The following NOL4L variants were observed in gnomAD, a reference collection of about 807,000 sequenced individuals.
The protein encoded by NOL4L is nucleolar protein 4 like.
NOL4L carries 7 observed loss-of-function variants against 64.5 expected under a neutral mutation model. The ratio of observed to expected loss-of-function variants is 0.11; its 90% CI spans 0.06 to 0.20. NOL4L has a LOEUF of 0.20. Ranked by LOEUF, NOL4L falls within the 10% of genes least tolerant of loss-of-function variation. The probability of loss-of-function intolerance (pLI) is 1.00; values close to 1 mark genes in which losing one functional copy is unlikely to be tolerated. For missense variants in NOL4L, 680 were observed against 967.1 expected (o/e 0.70, Z 3.94); for synonymous variants, 413 against 401.0 (o/e 1.03, Z -0.36).
chr20:32,536,959 G>C (rs1398159736), intron 1 of NOL4L: 1 of 652,128 alleles, frequency 1.5e-6, no homozygotes, highest in Non-Finnish European at 1.9e-6. Flanking sequence ...GCGCCCGCGC[G>C]GGCCCCGCCC....
chr20:32,491,081 A>C (rs550605864), intron 4 of NOL4L, among the ~76,000 whole-genome samples: 1 of 152,222 alleles, frequency 6.6e-6, no homozygotes, highest in Non-Finnish European at 1.5e-5. Flanking sequence ...GCGCCATGAC[A>C]AGTGCAGGTG....
intron 5 of NOL4L, among the ~76,000 whole-genome samples, chr20:32,465,561 GAAAT>G (rs924315078): frequency 6.6e-6 from 1 of 152,182 alleles, no homozygotes; most frequent in African/African-American, 2.4e-5. Flanking sequence ...CAGGCGGTGA[GAAAT>G]AAACACTAAT....
intron 1 of NOL4L, among the ~76,000 whole-genome samples, chr20:32,550,309 C>T (rs757225283): frequency 1.3e-5 from 2 of 152,158 alleles, no homozygotes; most frequent in African/African-American, 2.4e-5. Context: ...TGCAATGGTG[C>T]GATCTCAGCT....
chr20:32,543,531 A>C (rs2018688145), intron 1 of NOL4L, among the ~76,000 whole-genome samples: 1 of 152,150 alleles, frequency 6.6e-6, no homozygotes, highest in South Asian at 2.1e-4. Flanking sequence ...AGGCAGGAGA[A>C]TCGCTTGAAC....
chr20:32,582,960 A>T (rs1365338655), intron 1 of NOL4L, among the ~76,000 whole-genome samples: 1 of 151,414 alleles, frequency 6.6e-6, no homozygotes, highest in South Asian at 2.1e-4. Flanking sequence ...GGGGACAATG[A>T]CCCAGACTCG....
chr20:32,567,925 CAT>C (rs1450829955), intron 1 of NOL4L, among the ~76,000 whole-genome samples: 5 of 131,202 alleles, frequency 3.8e-5, no homozygotes, highest in African/African-American at 2.0e-4. Context: ...CCACCACCAT[CAT>C]CATCATCATC....
chr20:32,451,904 G>A (rs1281210599), intron 10 of NOL4L, among the ~76,000 whole-genome samples: 4 of 152,186 alleles, frequency 2.6e-5, no homozygotes, highest in Non-Finnish European at 4.4e-5. Context: ...GCTGGGACTC[G>A]GCACCCACAG....
At chr20:32,495,928 A>C (rs1159483532) in intron 4 of NOL4L, among the ~76,000 whole-genome samples, 1 of 152,098 alleles carries the variant, frequency 6.6e-6, no homozygotes, top group Non-Finnish European at 1.5e-5. Context: ...CTGCACCCCA[A>C]TAAAAGAAGT....
At chr20:32,532,475 A>G in intron 1 of NOL4L, 1 of 551,240 alleles carries the variant, frequency 1.8e-6, no homozygotes, top group Non-Finnish European at 2.3e-6. Flanking sequence ...CATCTCTGCT[A>G]TCCCTTGCAT....
chr20:32,520,687 G>C, intron 3 of NOL4L, 124 bp downstream of exon 3: 1 of 582,600 alleles, frequency 1.7e-6, no homozygotes, highest in Non-Finnish European at 3.1e-6. Context: ...ACCCATACTG[G>C]CCTCTGGGAC....
At chr20:32,488,829 TTCTTTCTTTCTTTC>T (rs1568648850) in intron 4 of NOL4L, among the ~76,000 whole-genome samples, 8 of 39,316 alleles carry the variant, frequency 2.0e-4, no homozygotes, top group Non-Finnish European at 3.6e-4. Flanking sequence ...TTCTTTCTTT[TTCTTTCTTTCTTTC>T]TTTCTTTCTT....
At chr20:32,492,250 T>TAA in intron 4 of NOL4L, among the ~76,000 whole-genome samples, 1 of 152,308 alleles carries the variant, frequency 6.6e-6, no homozygotes, top group African/African-American at 2.4e-5. Flanking sequence ...TACTCAGCCA[T>TAA]AAAAAGAAAC....
At chr20:32,580,608 G>A (rs192535588) in intron 1 of NOL4L, among the ~76,000 whole-genome samples, 2 of 152,230 alleles carry the variant, frequency 1.3e-5, no homozygotes, top group African/African-American at 2.4e-5. Flanking sequence ...TGGCAATCTC[G>A]AAGTTTCCCT....
At position 32,447,144 on chromosome 20, in the gene NOL4L, G is replaced by T. The variant is rs2012367879; in HGVS notation, c.*452C>A. 4.6e-6 allele frequency: 2 copies of T among 436,596 alleles called. No individual in the cohort carries two copies. Among genetic ancestry groups the T allele is most frequent in the Admixed American group, 2.5e-5 (1 of 40,040 alleles). 27.0% of individuals were successfully genotyped at this position (436,596 alleles called of 1,614,324 possible). A position where few individuals can be genotyped will look rare whatever the true frequency, so the allele number is the denominator to read the frequency against. Reference sequence around the variant, plus strand: ...ACTAGCAATCTGTACAAACACAAAAGAATCCATTTTCAGAAAAATAAATTA... The same window carrying T: ...ACTAGCAATCTGTACAAACACAAAATAATCCATTTTCAGAAAAATAAATTA... On this transcript the variant is annotated 3_prime_UTR_variant, in exon 11 of 11. Coordinates refer to ENST00000621426, the MANE Select transcript of NOL4L (RefSeq NM_001256798.2).
intron 1 of NOL4L, among the ~76,000 whole-genome samples, chr20:32,581,771 A>T (rs1319983764): frequency 6.6e-6 from 1 of 152,168 alleles, no homozygotes; most frequent in Non-Finnish European, 1.5e-5. Flanking sequence ...CCGCACAAGG[A>T]CTGTGGGTAC....
chr20:32,451,007 G>C (rs775802441), intron 10 of NOL4L, among the ~76,000 whole-genome samples: 1 of 152,158 alleles, frequency 6.6e-6, no homozygotes, highest in African/African-American at 2.4e-5. Flanking sequence ...GGGTCAAGGC[G>C]AGTGGAGGCA....
chr20:32,484,181 C>A (rs987599392), intron 4 of NOL4L, among the ~76,000 whole-genome samples: 19 of 152,128 alleles, frequency 1.2e-4, no homozygotes, highest in Non-Finnish European at 2.6e-4. Context: ...CCCCATGCGT[C>A]TTTCGGGTCC....
chr20:32,565,133 A>G (rs1979343520), intron 1 of NOL4L: 1 of 152,320 alleles, frequency 6.6e-6, no homozygotes, highest in African/African-American at 2.4e-5. Context: ...AGAAGCTGAC[A>G]GGGGCGTGCA....
In NOL4L at chr20:32,478,242, TAC is replaced by T. The variant is rs553898145; in HGVS notation, c.700-3502_700-3501del. Among the ~76,000 whole-genome samples, 629 of 144,922 alleles carry T rather than the reference TAC, an allele frequency of 4.3e-3. 4 individuals carry two copies. Among genetic ancestry groups the T allele is most frequent in the Non-Finnish European group, 5.3e-3 (351 of 66,640 alleles). ...AACTCATGGGTGATGAGGCTATATT[TAC>T]ACACACACACACACACACACACACA... is the stretch of plus-strand genomic sequence containing the variant. On this transcript the variant is annotated intron_variant, in intron 4 of 10. Coordinates refer to ENST00000621426, the MANE Select transcript of NOL4L (RefSeq NM_001256798.2).
Sources: gnomAD v4.1 joint callset for allele counts (sites outside exome capture counted in the v4.1 genomes callset) on GRCh38, gnomAD v4.1.1 for gene constraint, MANE v1.5 for transcripts, NCBI Gene and HGNC (gene_info 2026-07-23, HGNC 2026-07-21) for gene names.